Variants in PTPRD observed in about 807,000 individuals in gnomAD.
PTPRD encodes the protein protein tyrosine phosphatase receptor type D.
Under a neutral mutation model 214.5 loss-of-function variants are expected in PTPRD, and 34 were observed. The ratio of observed to expected loss-of-function variants is 0.16; its 90% confidence interval spans 0.12 to 0.21. PTPRD has a LOEUF of 0.21. Ranked by LOEUF, PTPRD falls within the 10% of genes least tolerant of loss-of-function variation. The pLI, the probability that PTPRD is intolerant of heterozygous loss-of-function variation, is 1.00. For missense variants in PTPRD, 2,545 were observed against 2,398.7 expected, an observed-to-expected ratio of 1.06 and a Z score of -1.27; for synonymous variants, 1,128 against 845.7, an observed-to-expected ratio of 1.33 and a Z score of -5.79.
At chr9:10,428,801 A>G (rs976380263) in intron 2 of PTPRD, among the ~76,000 whole-genome samples, 1 of 152,038 alleles carries the variant, frequency 6.6e-6, no homozygotes, top group East Asian at 1.9e-4. Flanking sequence ...GACAAAACAC[A>G]TGAGTGGAGC....
chr9:8,508,821 G>A (rs2097595365), intron 21 of PTPRD, among the ~76,000 whole-genome samples: 1 of 151,690 alleles, frequency 6.6e-6, no homozygotes, highest in Admixed American at 6.6e-5. Flanking sequence ...AGAATGATTT[G>A]TAGAATTCCT....
chr9:8,475,741 G>A lies in PTPRD; in HGVS notation c.3414-4656C>T, dbSNP rs1204150269. On this transcript the variant is annotated intron_variant, in intron 30 of 45. Coordinates refer to ENST00000381196, the MANE Select transcript of PTPRD (RefSeq NM_002839.4). Reference sequence around the variant, plus strand: ...CAATCTGCCTTTATTCTCTCCCTCTGTCATACTTAATCTATTGCTAAGTTC... The same window carrying A: ...CAATCTGCCTTTATTCTCTCCCTCTATCATACTTAATCTATTGCTAAGTTC... Among the ~76,000 whole-genome samples, 5 of 152,216 alleles carry A rather than the reference G, an allele frequency of 3.3e-5. No homozygotes were observed. In the East Asian group the frequency reaches 7.7e-4, roughly 24 times the overall value.
rs116947300 is a variant in PTPRD, at chr9:9,605,590, T to C, written c.-286-30809A>G. ...TAACTTGTAGGCAATGAGGAGCCAC[T>C]GTAGATGTATCATTATGCAAATTAT... On this transcript the variant is annotated intron_variant, in intron 7 of 45. Transcript: ENST00000381196. Among the ~76,000 whole-genome samples, 136 of 152,252 alleles carry C rather than the reference T, an allele frequency of 8.9e-4. 1 individual carries two copies. The highest frequency in any genetic ancestry group is 5.8e-3 in the East Asian group (30 of 5,180).
chr9:9,787,749 G>T (rs1274885147), intron 5 of PTPRD, among the ~76,000 whole-genome samples: 1 of 150,344 alleles, frequency 6.7e-6, no homozygotes, highest in African/African-American at 2.4e-5. Context: ...ATTTGAATCT[G>T]AACAACGTAT....
chr9:8,709,504 G>A (rs530039440), intron 12 of PTPRD, among the ~76,000 whole-genome samples: 2 of 124,438 alleles, frequency 1.6e-5, no homozygotes, highest in Non-Finnish European at 3.2e-5. Context: ...GACAGAGTGA[G>A]ACTCCATCTC....
At chr9:9,799,886 C>G (rs759896545) in intron 5 of PTPRD, among the ~76,000 whole-genome samples, 1 of 151,868 alleles carries the variant, frequency 6.6e-6, no homozygotes, top group African/African-American at 2.4e-5. Context: ...TGATTAATCA[C>G]GAAGACAAAA....
At chr9:9,731,781 G>A (rs564688473) in intron 7 of PTPRD, among the ~76,000 whole-genome samples, 1 of 152,038 alleles carries the variant, frequency 6.6e-6, no homozygotes, top group African/African-American at 2.4e-5. Flanking sequence ...GACACAGTAA[G>A]GTTATTTTTT....
rs751258349 is a variant in PTPRD, at chr9:8,334,087, A to G, written c.5380-2351T>C. Among the ~76,000 whole-genome samples the G allele has an allele frequency of 1.3e-3, 196 of 152,126 alleles. 1 individual carries two copies. Among genetic ancestry groups the G allele is most frequent in the Middle Eastern group, 3.4e-3 (1 of 294 alleles). On this transcript the variant is annotated intron_variant, in intron 43 of 45. Transcript: ENST00000381196. ...AGACTTAGACTCCCACACAATAATA[A>G]TAGGAGACTTTAACACCCCACTGTC...
chr9:9,290,524 G>A (rs1950823749), intron 9 of PTPRD, among the ~76,000 whole-genome samples: 1 of 151,130 alleles, frequency 6.6e-6, no homozygotes, highest in Non-Finnish European at 1.5e-5. Flanking sequence ...TTTTCTTCTA[G>A]GAGTTTTAGA....
chr9:10,018,812 G>A (rs1393019241), intron 4 of PTPRD, among the ~76,000 whole-genome samples: 1 of 151,892 alleles, frequency 6.6e-6, no homozygotes, highest in East Asian at 1.9e-4. Context: ...GCCTCCCAAA[G>A]TGCTGGGATT....
intron 10 of PTPRD, among the ~76,000 whole-genome samples, chr9:9,025,924 G>A (rs1049368543): frequency 6.6e-6 from 1 of 151,902 alleles, no homozygotes; most frequent in South Asian, 2.1e-4. Flanking sequence ...TTCTTTTCTA[G>A]ACACTAGAAA....
intron 9 of PTPRD, among the ~76,000 whole-genome samples, chr9:9,214,459 C>T (rs764209507): frequency 3.3e-5 from 5 of 151,060 alleles, no homozygotes; most frequent in East Asian, 3.9e-4. Context: ...GACTGTTAAA[C>T]GTTAAAGCAG....
intron 11 of PTPRD, among the ~76,000 whole-genome samples, chr9:8,894,183 G>A (rs956146051): frequency 5.3e-5 from 8 of 151,824 alleles, no homozygotes; most frequent in Non-Finnish European, 1.0e-4. Flanking sequence ...GTAAAACCCT[G>A]TTTCTACTAA....
chr9:10,482,079 A>G (rs1566391698), intron 2 of PTPRD, among the ~76,000 whole-genome samples: 1 of 152,302 alleles, frequency 6.6e-6, no homozygotes, highest in East Asian at 1.9e-4. Context: ...AAGATAAAAA[A>G]AACAAATGTT....
intron 11 of PTPRD, among the ~76,000 whole-genome samples, chr9:8,902,345 C>CT (rs36112845): frequency 0.056 from 7,517 of 133,098 alleles, 620 homozygotes; most frequent in African/African-American, 0.19. Flanking sequence ...CTTTCTTTTT[C>CT]TTTTTTTTTT....
chr9:10,359,287 C>T (rs1452995354), intron 2 of PTPRD, among the ~76,000 whole-genome samples: 1 of 151,900 alleles, frequency 6.6e-6, no homozygotes, highest in Non-Finnish European at 1.5e-5. Flanking sequence ...CAAAGTAATA[C>T]ATATATGATT....
At chr9:8,826,997 C>T (rs1375827917) in intron 11 of PTPRD, among the ~76,000 whole-genome samples, 1 of 151,972 alleles carries the variant, frequency 6.6e-6, no homozygotes, top group African/African-American at 2.4e-5. Context: ...GATTTCTTCT[C>T]ACTCTTTCAG....
rs565153526 is a variant in PTPRD at position 9,147,329 on chromosome 9, G to C, written c.-143+35975C>G. ...AGTAAAAATGAGTTTCCTGGGGTGG[G>C]GGAGGGGATTAATACTGTTATTCTT... On this transcript the variant is annotated intron_variant, in intron 10 of 45. Coordinates refer to ENST00000381196, the MANE Select transcript of PTPRD (RefSeq NM_002839.4). Among the ~76,000 whole-genome samples the C allele has an allele frequency of 8.9e-4, 135 of 151,842 alleles. 2 individuals carry two copies. Among genetic ancestry groups the C allele is most frequent in the Admixed American group, 8.7e-3 (133 of 15,246 alleles).
intron 9 of PTPRD, among the ~76,000 whole-genome samples, chr9:9,344,222 C>G (rs1289402064): frequency 6.6e-6 from 1 of 152,042 alleles, no homozygotes; most frequent in Non-Finnish European, 1.5e-5. Context: ...CAAACTAACA[C>G]AAGAACAGAA....
Sources: gnomAD v4.1 joint callset for allele counts (sites outside exome capture counted in the v4.1 genomes callset) on GRCh38, gnomAD v4.1.1 for gene constraint, MANE v1.5 for transcripts, NCBI Gene and HGNC (gene_info 2026-07-23, HGNC 2026-07-21) for gene names.